Variants in RBFOX1 observed in about 807,000 individuals in gnomAD.
RBFOX1 encodes the protein RNA binding fox-1 homolog 1.
In RBFOX1, 8 loss-of-function variants were observed where a neutral mutation model predicts 57.7. The ratio of observed to expected loss-of-function variants is 0.14; its 90% CI spans 0.08 to 0.25. The LOEUF (loss-of-function observed/expected upper bound fraction) is 0.25, where lower values mean the gene tolerates loss of function less well. Ranked by LOEUF, RBFOX1 falls within the 10% of genes least tolerant of loss-of-function variation. RBFOX1 has a pLI of 1.00. For missense variants in RBFOX1, 611 were observed against 548.5 expected (o/e 1.11, Z -1.14); for synonymous variants, 326 against 222.4 (o/e 1.47, Z -4.15).
At chr16:6,881,484 T>C (rs34931492) in intron 3 of RBFOX1, among the ~76,000 whole-genome samples, 38,310 of 151,744 alleles carry the variant, frequency 0.25, 5,031 homozygotes, top group African/African-American at 0.32. Context: ...TTGTAGAGGG[T>C]CAGCTACATA....
At chr16:6,187,254 G>A (rs1190848462) in intron 1 of RBFOX1, among the ~76,000 whole-genome samples, 1 of 152,120 alleles carries the variant, frequency 6.6e-6, no homozygotes, top group Non-Finnish European at 1.5e-5. Flanking sequence ...CTAGGGAAGT[G>A]AGTTGGGATG....
At chr16:6,408,319 G>T (rs2093353647) in intron 2 of RBFOX1, among the ~76,000 whole-genome samples, 1 of 152,150 alleles carries the variant, frequency 6.6e-6, no homozygotes, top group South Asian at 2.1e-4. Context: ...TCTGTCTTAA[G>T]GAATAAGGTG....
chr16:7,046,603 C>CTTTTTT (rs59921108), intron 3 of RBFOX1, among the ~76,000 whole-genome samples: 6 of 84,980 alleles, frequency 7.1e-5, no homozygotes, highest in East Asian at 3.6e-4. Flanking sequence ...TGTGTTTTAT[C>CTTTTTT]TTTTTTTTTT....
chr16:5,637,315 C>G (rs965765890), intron 3 of RBFOX1, among the ~76,000 whole-genome samples: 1 of 152,172 alleles, frequency 6.6e-6, no homozygotes, highest in Admixed American at 6.5e-5. Flanking sequence ...CCCCCTACCC[C>G]AGTTTAAATA....
chr16:6,625,157 TAAAAAAAAAAAAAAAAA>T (rs34634402), intron 2 of RBFOX1, among the ~76,000 whole-genome samples: 1 of 56,326 alleles, frequency 1.8e-5, no homozygotes, highest in Non-Finnish European at 3.0e-5. Context: ...CAACCCTATC[TAAAAAAAAAAAAAAAAA>T]AAAAAAAAAA....
intron 4 of RBFOX1, among the ~76,000 whole-genome samples, chr16:7,059,516 C>T (rs1176548923): frequency 6.6e-6 from 1 of 152,164 alleles, no homozygotes; most frequent in African/African-American, 2.4e-5. Flanking sequence ...AAAAGACATG[C>T]ATTTGTCAAA....
chr16:6,909,670 C>A (rs568549741), intron 3 of RBFOX1, among the ~76,000 whole-genome samples: 3 of 152,300 alleles, frequency 2.0e-5, no homozygotes, highest in South Asian at 2.1e-4. Flanking sequence ...ATAGAGAAGT[C>A]GGAATCCTAT....
rs551652129 is a variant in RBFOX1 at position 5,829,945 on chromosome 16, C to T, written c.319-37358C>T. The stretch of plus-strand genomic sequence containing the variant: ...CATAGACGGTTGGGCTTCTGAAAGA[C>T]CCTTAGGAGCAAGGATCTGAGGCTG... On this transcript the variant is annotated intron_variant, in intron 3 of 19. Coordinates refer to the RBFOX1 transcript ENST00000641259. Among the ~76,000 whole-genome samples the T allele has an allele frequency of 1.6e-4, 24 of 152,294 alleles. No homozygotes were observed. In the South Asian group the frequency reaches 5.0e-3, roughly 32 times the overall value.
At chr16:6,845,522 C>T (rs926080198) in intron 3 of RBFOX1, among the ~76,000 whole-genome samples, 3 of 152,122 alleles carry the variant, frequency 2.0e-5, no homozygotes, top group Non-Finnish European at 4.4e-5. Context: ...GTTCTGTGTT[C>T]TGTTCCGTTG....
chr16:5,273,315 C>T (rs527688642), intron 1 of RBFOX1, among the ~76,000 whole-genome samples: 1 of 151,864 alleles, frequency 6.6e-6, no homozygotes, highest in South Asian at 2.1e-4. Context: ...ATTATACAGA[C>T]ACTAATAGCA....
At chr16:6,459,625 A>C (rs2094861816) in intron 2 of RBFOX1, among the ~76,000 whole-genome samples, 1 of 152,126 alleles carries the variant, frequency 6.6e-6, no homozygotes, top group African/African-American at 2.4e-5. Context: ...CATATATCCA[A>C]ACAATATAGA....
chr16:6,533,282 A>G (rs1424703275), intron 2 of RBFOX1, among the ~76,000 whole-genome samples: 1 of 152,206 alleles, frequency 6.6e-6, no homozygotes, highest in Non-Finnish European at 1.5e-5. Context: ...TGATAATTTG[A>G]TTTGAATGCT....
At chr16:7,511,578 C>G (rs895570354) in intron 4 of RBFOX1, among the ~76,000 whole-genome samples, 1 of 152,128 alleles carries the variant, frequency 6.6e-6, no homozygotes, top group Non-Finnish European at 1.5e-5. Context: ...CAATGATAGC[C>G]AGGCTATTTC....
At chr16:6,672,538 C>G (rs969289965) in intron 3 of RBFOX1, among the ~76,000 whole-genome samples, 2 of 150,666 alleles carry the variant, frequency 1.3e-5, no homozygotes, top group African/African-American at 5.0e-5. Flanking sequence ...AAAGAAAGAA[C>G]AGGAGAAAGA....
intron 1 of RBFOX1, among the ~76,000 whole-genome samples, chr16:5,284,756 A>ATTTTTTTTTT (rs1166998032): frequency 0.028 from 1,702 of 60,888 alleles, 162 homozygotes; most frequent in African/African-American, 0.034. Context: ...TTTGGCTTAG[A>ATTTTTTTTTT]TTTTTTTTTT....
intron 1 of RBFOX1, among the ~76,000 whole-genome samples, chr16:5,360,805 A>G (rs1360228758): frequency 1.3e-5 from 2 of 152,098 alleles, no homozygotes; most frequent in African/African-American, 4.8e-5. Context: ...ATCGTACAAA[A>G]ATTTCTTCCA....
At chr16:6,006,189 A>G (rs2094925996) in intron 4 of RBFOX1, among the ~76,000 whole-genome samples, 1 of 152,188 alleles carries the variant, frequency 6.6e-6, no homozygotes, top group African/African-American at 2.4e-5. Flanking sequence ...CCTACGGGGA[A>G]ATCACCTCTC....
At chr16:7,492,110 A>G (rs1030446377) in intron 4 of RBFOX1, among the ~76,000 whole-genome samples, 2 of 152,200 alleles carry the variant, frequency 1.3e-5, no homozygotes, top group East Asian at 3.9e-4. Flanking sequence ...CAAAAGGTGG[A>G]AAAAGACTCT....
intron 3 of RBFOX1, among the ~76,000 whole-genome samples, chr16:5,796,151 A>C (rs989844790): frequency 6.6e-6 from 1 of 152,204 alleles, no homozygotes; most frequent in Non-Finnish European, 1.5e-5. Flanking sequence ...TAAGCAGCTC[A>C]AGACTGGGCT....
Sources: gnomAD v4.1 joint callset for allele counts (sites outside exome capture counted in the v4.1 genomes callset) on GRCh38, gnomAD v4.1.1 for gene constraint, MANE v1.5 for transcripts, NCBI Gene and HGNC (gene_info 2026-07-23, HGNC 2026-07-21) for gene names.